The following SLC43A3 variants were observed in gnomAD, a reference collection of about 807,000 sequenced individuals.
SLC43A3 encodes solute carrier family 43 member 3.
Under a neutral mutation model 53.3 loss-of-function variants are expected in SLC43A3, and 33 were observed. The ratio of observed to expected loss-of-function variants is 0.62; its 90% CI spans 0.47 to 0.83. The LOEUF is 0.83. Among genes scored for constraint, SLC43A3 ranks in the 40% least tolerant of loss-of-function variants. The probability of loss-of-function intolerance (pLI) is 0.00; values close to 1 mark genes in which losing one functional copy is unlikely to be tolerated. For missense variants in SLC43A3, 530 were observed against 610.0 expected, an observed-to-expected ratio of 0.87 and a Z score of 1.38; for synonymous variants, 236 against 246.2, an observed-to-expected ratio of 0.96 and a Z score of 0.39.
At chr11:57,418,146 A>C (rs1161008199) in intron 7 of SLC43A3, among the ~76,000 whole-genome samples, 1 of 152,130 alleles carries the variant, frequency 6.6e-6, no homozygotes, top group African/African-American at 2.4e-5. Context: ...TTGACAACAT[A>C]GTGAGACCCT....
chr11:57,415,635 T>C (rs1469510885), intron 9 of SLC43A3, among the ~76,000 whole-genome samples: 2 of 152,142 alleles, frequency 1.3e-5, no homozygotes, highest in African/African-American at 4.8e-5. Context: ...TGGTTCCTCC[T>C]AACAAGGCAG....
chr11:57,424,652 G>A (rs1943131180), intron 4 of SLC43A3, among the ~76,000 whole-genome samples: 1 of 152,150 alleles, frequency 6.6e-6, no homozygotes, highest in Non-Finnish European at 1.5e-5. Context: ...GGAGAAGAGG[G>A]AGGGGACAAA....
At chr11:57,409,430 G>A in intron 12 of SLC43A3, 132 bp from the exon 13 acceptor site, 3 of 1,005,020 alleles carry the variant, frequency 3.0e-6, no homozygotes, top group East Asian at 5.1e-5. Flanking sequence ...AACCACACCT[G>A]TCTGGCCTTT....
In SLC43A3 at chr11:57,410,131, CAG is replaced by C; in HGVS notation, c.1061-12_1061-11del. On this transcript the variant is annotated splice_polypyrimidine_tract_variant and intron_variant, in intron 11 of 13. Coordinates refer to ENST00000395124, the MANE Select transcript of SLC43A3 (RefSeq NM_199329.3). ...GCCAAAGTGGAGGAACCTGGGCGAA[CAG>C]AGAGGAAAAAGAAGCTCTCTGTAGG... 6.3e-7 allele frequency: 1 copy of C among 1,577,018 alleles called. No homozygotes were observed. Among genetic ancestry groups the C allele is most frequent in the Non-Finnish European group, 8.6e-7 (1 of 1,163,718 alleles).
At chr11:57,411,946 T>A (rs897428733) in intron 11 of SLC43A3, among the ~76,000 whole-genome samples, 2 of 152,024 alleles carry the variant, frequency 1.3e-5, no homozygotes, top group African/African-American at 4.8e-5. Context: ...AAATAAAAAT[T>A]TGAATAAAAA....
At chr11:57,424,538 G>A (rs748251854) in intron 4 of SLC43A3, among the ~76,000 whole-genome samples, 2 of 152,090 alleles carry the variant, frequency 1.3e-5, no homozygotes, top group Non-Finnish European at 2.9e-5. Context: ...CTAGCTCAGA[G>A]TGCTATGATT....
At chr11:57,418,006 T>G in intron 7 of SLC43A3, 119 bp from the exon 8 acceptor site, 1 of 874,360 alleles carries the variant, frequency 1.1e-6, no homozygotes, top group East Asian at 2.7e-5. Flanking sequence ...CTAAACATAA[T>G]GTGATCTATA....
In SLC43A3 at chr11:57,410,179, G is replaced by A. The variant is rs75138475; in HGVS notation, c.1061-58C>T. On this transcript the variant is annotated intron_variant, in intron 11 of 13. Transcript: ENST00000395124. ...GTAGGCCAACCCAACAGAAGTCAGCGAAGGGCCAAGGAAGATTGGAAAAAG... is the reference window on the plus strand; with the variant it reads ...GTAGGCCAACCCAACAGAAGTCAGCAAAGGGCCAAGGAAGATTGGAAAAAG... 6.3e-3 allele frequency: 8,661 copies of A among 1,381,458 alleles called. 462 individuals carry two copies. The African/African-American group carries it at 0.11, about 18-fold the overall frequency. The allele number at this position is 1,381,458 out of a possible 1,614,324, so 85.6% of individuals were successfully genotyped here.
chr11:57,420,952 T>C lies in SLC43A3; in HGVS notation c.531+20A>G, dbSNP rs772869291. On this transcript the variant is annotated intron_variant, in intron 7 of 13. Transcript: ENST00000395124. ...GGCATATACAAGTGCCCAGTGAATGTAGGCTGTTGCTATATTTACCTTAAT... is the reference window on the plus strand; with the variant it reads ...GGCATATACAAGTGCCCAGTGAATGCAGGCTGTTGCTATATTTACCTTAAT... 5.3e-6 allele frequency: 8 copies of C among 1,502,046 alleles called. No homozygotes were observed. The highest frequency in any genetic ancestry group is 2.8e-5 in the African/African-American group (2 of 72,560). The allele number at this position is 1,502,046 out of a possible 1,614,324, so 93.0% of individuals were successfully genotyped here. A position where few individuals can be genotyped will look rare whatever the true frequency, so the allele number is the denominator to read the frequency against.
At chr11:57,412,757 G>C (rs72923974) in intron 11 of SLC43A3, among the ~76,000 whole-genome samples, 1 of 151,258 alleles carries the variant, frequency 6.6e-6, no homozygotes, top group African/African-American at 2.4e-5. Context: ...GCAGTAGGCT[G>C]AGATTACGCC....
intron 4 of SLC43A3, 112 bp from the exon 5 acceptor site, chr11:57,424,140 G>A: frequency 9.6e-7 from 1 of 1,046,244 alleles, no homozygotes; most frequent in Non-Finnish European, 1.4e-6. Context: ...CGCACCCTCA[G>A]CCTGGGATGC....
chr11:57,421,726 ACCCTGGACTCAGGT>A (rs1942996727), intron 5 of SLC43A3, among the ~76,000 whole-genome samples: 1 of 152,110 alleles, frequency 6.6e-6, no homozygotes, highest in African/African-American at 2.4e-5. Context: ...GGAAAAGAAG[ACCCTGGACTCAGGT>A]CCCTGGCTCA....
Position 57,415,271 on chromosome 11 carries a change from C to A in SLC43A3, c.770-165G>T, listed in dbSNP as rs748837594. On this transcript the variant is annotated intron_variant, in intron 9 of 13. Coordinates refer to ENST00000395124, the MANE Select transcript of SLC43A3 (RefSeq NM_199329.3). ...TGCACCTGCCTCGGACTCACACATC[C>A]CCACCTCCCTGCTTTGTCATGCTGG... 1.1e-5 allele frequency: 17 copies of A among 1,533,278 alleles called. No homozygotes were observed. In the Admixed American group the frequency reaches 3.3e-4, roughly 30 times the overall value. The allele number at this position is 1,533,278 out of a possible 1,614,324, so 95.0% of individuals were successfully genotyped here.
At chr11:57,427,299 C>T (rs1384987284), upstream of SLC43A3, 1 of 152,586 alleles carries the variant, frequency 6.6e-6, no homozygotes, top group African/African-American at 2.4e-5. Context: ...CCCCCTAGAA[C>T]CCCAGCGGTG....
At position 57,415,115 on chromosome 11, in the gene SLC43A3, G is replaced by T. The variant is rs772764061; in HGVS notation, c.770-9C>A. On this transcript the variant is annotated splice_polypyrimidine_tract_variant and intron_variant, in intron 9 of 13. Transcript: ENST00000395124. ...CCCTGCCCCTGGGGTCTCTAATGGGGAGAGGAGGATCTGGGCGTGAATTAC... is the reference window on the plus strand; with the variant it reads ...CCCTGCCCCTGGGGTCTCTAATGGGTAGAGGAGGATCTGGGCGTGAATTAC... 13 of 1,602,454 alleles carry T rather than the reference G, an allele frequency of 8.1e-6. No homozygotes were observed. In the African/African-American group the frequency reaches 1.7e-4, roughly 21 times the overall value.
chr11:57,425,496 G>T (rs1018944781), intron 4 of SLC43A3, 45 bp downstream of exon 4: 2 of 1,596,988 alleles, frequency 1.3e-6, no homozygotes, highest in African/African-American at 2.7e-5. Flanking sequence ...CTGCCTGAAG[G>T]ATTCCTCTTA....
At chr11:57,425,489 C>G in intron 4 of SLC43A3, 52 bp downstream of exon 4, 1 of 1,588,586 alleles carries the variant, frequency 6.3e-7, no homozygotes, top group Non-Finnish European at 8.6e-7. Context: ...TAGGCTGCTG[C>G]CTGAAGGATT....
chr11:57,417,879 A>T lies in SLC43A3; in HGVS notation c.540T>A (p.Tyr180Ter), dbSNP rs1353019116. Residue 180 changes from tyrosine to a stop codon, truncating the protein, a stop_gained, in exon 8 of 14, where the codon TAT (tyrosine) becomes TAA (stop). Coordinates refer to ENST00000395124, the MANE Select transcript of SLC43A3 (RefSeq NM_199329.3). LOFTEE classifies it high-confidence loss of function. The stretch of plus-strand genomic sequence containing the variant: ...AGGCCCTGAGGCTGATGCCTTTTTC[A>T]TAAAGAAGCTGCAGAAGGAGAAGGA... ...SAVFLIIKLL[Y>*]EKGISLRASF... The T allele has an allele frequency of 1.2e-6, 2 of 1,614,160 alleles. No individual in the cohort carries two copies. The highest frequency in any genetic ancestry group is 2.7e-5 in the African/African-American group (2 of 75,060).
At chr11:57,416,544 G>A (rs1365856962) in intron 9 of SLC43A3, 29 bp downstream of exon 9, 2 of 1,576,540 alleles carry the variant, frequency 1.3e-6, no homozygotes, top group Non-Finnish European at 8.7e-7. Context: ...TGGGTCTGGA[G>A]GAGAGATGGG....
Sources: gnomAD v4.1 joint callset for allele counts (sites outside exome capture counted in the v4.1 genomes callset) on GRCh38, gnomAD v4.1.1 for gene constraint, MANE v1.5 for transcripts, NCBI Gene and HGNC (gene_info 2026-07-23, HGNC 2026-07-21) for gene names.